The following JPH3 variants were observed in gnomAD, a reference collection of about 807,000 sequenced individuals.
The protein encoded by JPH3 is junctophilin-3.
JPH3 carries 11 observed loss-of-function variants against 59.6 expected under a neutral mutation model. The observed-to-expected ratio is 0.18, with a 90% confidence interval of 0.12 to 0.31. The LOEUF (loss-of-function observed/expected upper bound fraction) is 0.31, where lower values mean the gene tolerates loss of function less well. Ranked by LOEUF, JPH3 falls within the 10% of genes least tolerant of loss-of-function variation. The pLI is 1.00. For synonymous variants in JPH3, 673 were observed against 483.6 expected (o/e 1.39, Z -5.14); for missense variants, 1,202 against 1,105.7 (o/e 1.09, Z -1.24).
At chr16:87,680,485 G>T (rs1203915027) in intron 2 of JPH3, among the ~76,000 whole-genome samples, 1 of 152,210 alleles carries the variant, frequency 6.6e-6, no homozygotes, top group East Asian at 1.9e-4. Flanking sequence ...TGGGAGCCTC[G>T]CATGCAGGGC....
intron 1 of JPH3, among the ~76,000 whole-genome samples, chr16:87,638,456 C>T (rs1247747660): frequency 6.6e-6 from 1 of 152,138 alleles, no homozygotes; most frequent in Non-Finnish European, 1.5e-5. Context: ...CAGGAGCGAC[C>T]ACCATGATCC....
intron 2 of JPH3, among the ~76,000 whole-genome samples, chr16:87,674,599 C>G (rs1186939605): frequency 6.6e-6 from 1 of 152,156 alleles, no homozygotes; most frequent in Non-Finnish European, 1.5e-5. Context: ...GTATGTCGAT[C>G]ACTGCATGGG....
intron 1 of JPH3, among the ~76,000 whole-genome samples, chr16:87,637,739 G>A (rs555771043): frequency 1.1e-4 from 17 of 149,642 alleles, no homozygotes; most frequent in East Asian, 3.9e-4. Flanking sequence ...GGCGAATGTC[G>A]AGGGAAAGCA....
intron 3 of JPH3, among the ~76,000 whole-genome samples, chr16:87,688,302 C>T (rs1399549274): frequency 6.6e-6 from 1 of 152,226 alleles, no homozygotes; most frequent in Non-Finnish European, 1.5e-5. Context: ...CCTCGCTCTG[C>T]TCAGCACTGC....
At chr16:87,620,794 G>C (rs1234385668) in intron 1 of JPH3, among the ~76,000 whole-genome samples, 1 of 152,256 alleles carries the variant, frequency 6.6e-6, no homozygotes, top group Non-Finnish European at 1.5e-5. Context: ...GCGGCACTGG[G>C]CCTCCCTGCC....
At chr16:87,642,405 C>T (rs928301028) in intron 1 of JPH3, among the ~76,000 whole-genome samples, 5 of 152,184 alleles carry the variant, frequency 3.3e-5, no homozygotes, top group African/African-American at 1.2e-4. Context: ...GTCGGGGTGG[C>T]CAGGTCCTCA....
At chr16:87,640,885 TG>T (rs1457950599) in intron 1 of JPH3, among the ~76,000 whole-genome samples, 1 of 152,214 alleles carries the variant, frequency 6.6e-6, no homozygotes, top group African/African-American at 2.4e-5. Context: ...TGGCAGCCTG[TG>T]TCCAGCTTGG....
At chr16:87,672,494 C>T (rs113848373) in intron 2 of JPH3, among the ~76,000 whole-genome samples, 3 of 152,354 alleles carry the variant, frequency 2.0e-5, no homozygotes, top group East Asian at 3.9e-4. Context: ...AGCACAGAGC[C>T]GCACATGACG....
intron 2 of JPH3, among the ~76,000 whole-genome samples, chr16:87,664,082 A>G (rs914305000): frequency 2.7e-5 from 4 of 149,408 alleles, no homozygotes; most frequent in Non-Finnish European, 5.9e-5. Context: ...CTGTAATCCC[A>G]GCACTTTGGG....
chr16:87,632,498 G>T (rs990720379), intron 1 of JPH3, among the ~76,000 whole-genome samples: 1 of 152,192 alleles, frequency 6.6e-6, no homozygotes, highest in Admixed American at 6.5e-5. Flanking sequence ...CCAGGCTGGA[G>T]TGCAGTGGCA....
chr16:87,633,817 G>C (rs1426892050), intron 1 of JPH3, among the ~76,000 whole-genome samples: 1 of 151,974 alleles, frequency 6.6e-6, no homozygotes, highest in Non-Finnish European at 1.5e-5. Context: ...AAAAAATCTG[G>C]TGTTGGTAGT....
In JPH3 at chr16:87,644,861, C is replaced by T. The variant is rs781163343; in HGVS notation, c.986C>T (p.Pro329Leu). 89 of 1,613,322 alleles carry T rather than the reference C, an allele frequency of 5.5e-5. No homozygotes were observed. The highest frequency in any genetic ancestry group is 1.8e-4 in the Admixed American group (11 of 60,002). The change falls in exon 2 of 5, where the codon CCG (proline) becomes CTG (leucine). Residue 329 changes from proline (P) to leucine (L), a missense_variant. Coordinates refer to ENST00000284262, the MANE Select transcript of JPH3 (RefSeq NM_020655.4). ...CATGGCTACGGCTGCATGACCTTCC[C>T]GGACGGCACCAAGGAGGAGGGCAAG... Reference protein sequence around the residue: ...RRHGYGCMTFPDGTKEEGKYK... With the variant: ...RRHGYGCMTFLDGTKEEGKYK...
intron 3 of JPH3, among the ~76,000 whole-genome samples, chr16:87,686,976 C>A (rs907156990): frequency 6.6e-6 from 1 of 152,242 alleles, no homozygotes; most frequent in African/African-American, 2.4e-5. Flanking sequence ...TCGGTCCGAT[C>A]TGCCACCTCT....
At chr16:87,610,617 A>G (rs189001689) in intron 1 of JPH3, among the ~76,000 whole-genome samples, 60 of 152,282 alleles carry the variant, frequency 3.9e-4, no homozygotes, top group Admixed American at 1.3e-4. Context: ...GTTAAAGGAA[A>G]GTTTTTCCGT....
chr16:87,664,995 G>A (rs12596263), intron 2 of JPH3, among the ~76,000 whole-genome samples: 35,109 of 152,210 alleles, frequency 0.23, 4,268 homozygotes, highest in East Asian at 0.3. Context: ...CAGAGCAGGA[G>A]GCGTCTCCAC....
At chr16:87,656,090 G>T (rs1371263363) in intron 2 of JPH3, among the ~76,000 whole-genome samples, 1 of 152,226 alleles carries the variant, frequency 6.6e-6, no homozygotes, top group African/African-American at 2.4e-5. Flanking sequence ...GGTGCATGGC[G>T]TGAACTTCCC....
intron 3 of JPH3, chr16:87,684,534 C>T (rs1040630966): frequency 4.4e-6 from 2 of 454,536 alleles, no homozygotes; most frequent in Non-Finnish European, 8.0e-6. Flanking sequence ...TGCCGGCTGT[C>T]CCTGACGGTG....
At chr16:87,631,583 C>T (rs908249583) in intron 1 of JPH3, among the ~76,000 whole-genome samples, 2 of 152,168 alleles carry the variant, frequency 1.3e-5, no homozygotes, top group African/African-American at 4.8e-5. Context: ...TGTCTCTCCC[C>T]TCATTGTGTG....
At chr16:87,644,066 G>A (rs1353542356) in intron 1 of JPH3, among the ~76,000 whole-genome samples, 192 bp from the exon 2 acceptor site, 1 of 152,184 alleles carries the variant, frequency 6.6e-6, no homozygotes, top group Non-Finnish European at 1.5e-5. Context: ...TGAGCCCAGG[G>A]GTTCCTGGCT....
Sources: gnomAD v4.1 joint callset for allele counts (sites outside exome capture counted in the v4.1 genomes callset) on GRCh38, gnomAD v4.1.1 for gene constraint, MANE v1.5 for transcripts, NCBI Gene and HGNC (gene_info 2026-07-23, HGNC 2026-07-21) for gene names.